Variants in IGSF21 observed in about 807,000 individuals in gnomAD.
The protein encoded by IGSF21 is immunoglobin superfamily member 21, also known as immunoglobulin superfamily member 21.
A neutral mutation model predicts 46.8 loss-of-function variants in IGSF21; 28 were observed. The observed-to-expected ratio is 0.60, with a 90% confidence interval of 0.44 to 0.82. The LOEUF (loss-of-function observed/expected upper bound fraction) is 0.82. Ranked by LOEUF, IGSF21 falls within the 40% of genes least tolerant of loss-of-function variation. The pLI is 0.00. For synonymous variants in IGSF21, 284 were observed against 273.6 expected, an observed-to-expected ratio of 1.04 and a Z score of -0.38; for missense variants, 624 against 665.5, an observed-to-expected ratio of 0.94 and a Z score of 0.69.
At chr1:18,376,652 T>G (rs1267243814) in intron 7 of IGSF21, 148 bp from the exon 8 acceptor site, 3 of 719,336 alleles carry the variant, frequency 4.2e-6, no homozygotes, top group Non-Finnish European at 6.9e-6. Context: ...AGTCCCAGAC[T>G]CCTCCTCCTC....
rs572308528 is a variant in IGSF21 at position 18,229,550 on chromosome 1, A to G, written c.183+1540A>G. ...TTCTAACCAAAAATCATAGTTCTCT[A>G]TTTCAGCATTGCAGTCTCTCCTGTT... is the stretch of plus-strand genomic sequence containing the variant. On this transcript the variant is annotated intron_variant, in intron 2 of 9. Transcript: ENST00000251296. 2.6e-5 allele frequency among the ~76,000 whole-genome samples: 4 copies of G among 152,250 alleles called. No homozygotes were observed. In the East Asian group the frequency reaches 5.8e-4, roughly 22 times the overall value.
chr1:18,227,639 G>A (rs2084581989), intron 1 of IGSF21, among the ~76,000 whole-genome samples: 1 of 151,616 alleles, frequency 6.6e-6, no homozygotes, highest in South Asian at 2.1e-4. Flanking sequence ...AGTGTTTTTG[G>A]TTTGGAGGGA....
intron 1 of IGSF21, among the ~76,000 whole-genome samples, chr1:18,126,732 G>A (rs77066647): frequency 0.026 from 3,947 of 152,086 alleles, 165 homozygotes; most frequent in African/African-American, 0.089. Context: ...CCCATGCTTC[G>A]TTATGTTTTA....
At chr1:18,248,702 C>T (rs924585257) in intron 2 of IGSF21, among the ~76,000 whole-genome samples, 2 of 152,160 alleles carry the variant, frequency 1.3e-5, no homozygotes, top group African/African-American at 2.4e-5. Flanking sequence ...CTCCAACATT[C>T]CCACACCATT....
chr1:18,369,985 C>T (rs1350297784), intron 6 of IGSF21, among the ~76,000 whole-genome samples: 1 of 152,136 alleles, frequency 6.6e-6, no homozygotes, highest in Middle Eastern at 3.2e-3. Flanking sequence ...GCAGACCCCT[C>T]ACCTTTTCCA....
chr1:18,263,468 G>T (rs895068233), intron 2 of IGSF21, among the ~76,000 whole-genome samples: 1 of 151,934 alleles, frequency 6.6e-6, no homozygotes, highest in Non-Finnish European at 1.5e-5. Context: ...TGAGTTTCAG[G>T]TTCATTTTTG....
chr1:18,362,258 T>C, intron 5 of IGSF21, 28 bp downstream of exon 5: 2 of 1,514,582 alleles, frequency 1.3e-6, no homozygotes, highest in Non-Finnish European at 1.8e-6. Context: ...GCCCAGCTCC[T>C]TCCTATCTGC....
At position 18,290,824 on chromosome 1, in the gene IGSF21, C is replaced by T. The variant is rs1199986887; in HGVS notation, c.184-1042C>T. Among the ~76,000 whole-genome samples the T allele has an allele frequency of 6.6e-6, 1 of 152,098 alleles. No individual in the cohort carries two copies. The highest frequency in any genetic ancestry group is 1.5e-5 in the Non-Finnish European group (1 of 68,016). On this transcript the variant is annotated intron_variant, in intron 2 of 9. Coordinates refer to ENST00000251296, the MANE Select transcript of IGSF21 (RefSeq NM_032880.5). The surrounding 1 kb of genome is among the most constrained non-coding windows in gnomAD (Gnocchi z 4.2). ...CCCCTTGGAGTCACCCGTCCCTAGC[C>T]AGCCCCCTCCCTGCCCCTTTCCCCG...
At position 18,108,140 on chromosome 1, in the gene IGSF21, C is replaced by T. The variant is rs1276903538; in HGVS notation, c.12C>T (p.Ala4=). 6.9e-7 allele frequency: 1 copy of T among 1,438,976 alleles called. No individual in the cohort carries two copies. The highest frequency in any genetic ancestry group is 2.5e-5 in the Admixed American group (1 of 39,794). 89.1% of individuals were successfully genotyped at this position (1,438,976 alleles called of 1,614,324 possible). The change falls in exon 1 of 10, where the codon GCC becomes GCT. Residue 4 remains alanine (A), a synonymous_variant. Transcript: ENST00000251296. ...AGCTCCCGGGCACCATGCGAACCGCCCCGAGCCTCCGCCGCTGCGTCTGCC... is the reference window on the plus strand; with the variant it reads ...AGCTCCCGGGCACCATGCGAACCGCTCCGAGCCTCCGCCGCTGCGTCTGCC... MRT[A]PSLRRCVCLL...
intron 2 of IGSF21, among the ~76,000 whole-genome samples, chr1:18,262,821 G>T (rs1379484597): frequency 6.6e-6 from 1 of 152,178 alleles, no homozygotes; most frequent in Non-Finnish European, 1.5e-5. Flanking sequence ...TGGCCTCAAG[G>T]GGCTGCCTGC....
chr1:18,269,734 G>A (rs569958017), intron 2 of IGSF21, among the ~76,000 whole-genome samples: 3 of 152,256 alleles, frequency 2.0e-5, no homozygotes, highest in South Asian at 4.2e-4. Context: ...CAGCAGCAAG[G>A]TGAGCCCTTT....
intron 1 of IGSF21, among the ~76,000 whole-genome samples, chr1:18,122,959 T>C (rs2086248187): frequency 1.3e-5 from 2 of 152,154 alleles, no homozygotes; most frequent in African/African-American, 2.4e-5. Context: ...AAGATAAATA[T>C]GTGAGTATTT....
intron 1 of IGSF21, among the ~76,000 whole-genome samples, chr1:18,147,721 T>G (rs1340298336): frequency 6.6e-6 from 1 of 152,220 alleles, no homozygotes; most frequent in Non-Finnish European, 1.5e-5. Flanking sequence ...GGTTTGCATA[T>G]ACATAACTTA....
intron 3 of IGSF21, among the ~76,000 whole-genome samples, chr1:18,323,317 C>T (rs1426274822): frequency 6.6e-6 from 1 of 152,102 alleles, no homozygotes; most frequent in Non-Finnish European, 1.5e-5. Context: ...GGACAAAGGG[C>T]TTGAGGTGCA....
chr1:18,295,841 G>T (rs923314984), intron 3 of IGSF21, among the ~76,000 whole-genome samples: 5 of 152,164 alleles, frequency 3.3e-5, no homozygotes. Context: ...TGTTTATTGG[G>T]TGCATACCCA....
In IGSF21 at chr1:18,335,728, G is replaced by A. The variant is rs150679172; in HGVS notation, c.424+718G>A. ...CTCCGGTTTTCTTATCAAATAATAC[G>A]TATCAGGGAAACAAAGCTTGCGGTA... On this transcript the variant is annotated intron_variant, in intron 4 of 9. Coordinates refer to ENST00000251296, the MANE Select transcript of IGSF21 (RefSeq NM_032880.5). The surrounding 1 kb of genome is among the most constrained non-coding windows in gnomAD (Gnocchi z 4.8). 3.3e-3 allele frequency among the ~76,000 whole-genome samples: 502 copies of A among 152,230 alleles called. 7 individuals carry two copies. The highest frequency in any genetic ancestry group is 0.011 in the African/African-American group (450 of 41,538).
At chr1:18,115,907 G>GAAAGAAAGA (rs1553146748) in intron 1 of IGSF21, 2 of 124,564 alleles carry the variant, frequency 1.6e-5, no homozygotes, top group Admixed American at 8.1e-5. Context: ...GAAAGAAGGA[G>GAAAGAAAGA]AGGGAGGGAG....
At chr1:18,342,341 G>A (rs1050633204) in intron 4 of IGSF21, among the ~76,000 whole-genome samples, 3 of 152,014 alleles carry the variant, frequency 2.0e-5, no homozygotes, top group Non-Finnish European at 4.4e-5. Flanking sequence ...TGATCCTCCC[G>A]CCTCGGCCCC....
At chr1:18,275,095 G>T (rs2085087009) in intron 2 of IGSF21, among the ~76,000 whole-genome samples, 1 of 152,086 alleles carries the variant, frequency 6.6e-6, no homozygotes, top group Non-Finnish European at 1.5e-5. Context: ...ATGAAAACAG[G>T]GGCCTCTTCT....
Sources: allele counts gnomAD v4.1 joint callset (sites outside exome capture counted in the v4.1 genomes callset), GRCh38; gene constraint gnomAD v4.1.1; non-coding constraint Gnocchi (gnomAD v3.1); transcripts MANE v1.5; gene names NCBI Gene and HGNC (gene_info 2026-07-23, HGNC 2026-07-21).